The following CNBD1 variants were observed in gnomAD, a reference collection of about 807,000 sequenced individuals.
CNBD1 encodes cyclic nucleotide binding domain containing 1, also known as cyclic nucleotide-binding domain-containing protein 1.
A neutral mutation model predicts 54.4 loss-of-function variants in CNBD1; 71 were observed. That is an observed-to-expected ratio of 1.30 (90% CI 1.08 to 1.59). The LOEUF is 1.59. CNBD1 is among the 40% of genes most tolerant of loss of function. CNBD1 has a pLI of 0.00. For synonymous variants in CNBD1, 182 were observed against 170.7 expected, an observed-to-expected ratio of 1.07 and a Z score of -0.51; for missense variants, 659 against 518.0, an observed-to-expected ratio of 1.27 and a Z score of -2.64.
intron 4 of CNBD1, among the ~76,000 whole-genome samples, chr8:87,035,774 A>G (rs111951242): frequency 6.6e-6 from 1 of 152,112 alleles, no homozygotes; most frequent in Non-Finnish European, 1.5e-5. Flanking sequence ...CAGGCAATGT[A>G]TGGCAGCCCG....
chr8:87,056,457 T>C (rs1182102583), intron 4 of CNBD1, among the ~76,000 whole-genome samples: 3 of 152,194 alleles, frequency 2.0e-5, no homozygotes, highest in Non-Finnish European at 4.4e-5. Context: ...ATCTTAGAAA[T>C]TCATTAGTTT....
At chr8:87,327,465 G>A (rs1021587402) in intron 8 of CNBD1, among the ~76,000 whole-genome samples, 3 of 152,212 alleles carry the variant, frequency 2.0e-5, no homozygotes, top group Non-Finnish European at 2.9e-5. Context: ...GATTCCGTGG[G>A]CGTAGGATAC....
At chr8:87,229,748 C>T (rs1156252283) in intron 5 of CNBD1, among the ~76,000 whole-genome samples, 1 of 151,880 alleles carries the variant, frequency 6.6e-6, no homozygotes, top group African/African-American at 2.4e-5. Flanking sequence ...CAGAAGTCAA[C>T]CAAAATTTCG....
In CNBD1 at chr8:87,176,483, A is replaced by ATT. The variant is rs35416460; in HGVS notation, c.432-29494_432-29493dup. 3.9e-3 allele frequency among the ~76,000 whole-genome samples: 527 copies of ATT among 134,408 alleles called. 7 individuals are homozygous for ATT. Among genetic ancestry groups the ATT allele is most frequent in the East Asian group, 6.5e-3 (30 of 4,610 alleles). The allele number at this position is 134,408 out of a possible 152,430, so 88.2% of individuals were successfully genotyped here. ...CCTCACTTTTCAGTTTTAAGTTAGT[A>ATT]TTTTTTTTTTTTTTTTTGAGATGGA... On this transcript the variant is annotated intron_variant, in intron 4 of 10. Coordinates refer to ENST00000518476, the MANE Select transcript of CNBD1 (RefSeq NM_173538.3).
At chr8:87,394,294 G>T (rs1811370487) in intron 2 of CNBD1, among the ~76,000 whole-genome samples, 1 of 151,872 alleles carries the variant, frequency 6.6e-6, no homozygotes, top group Non-Finnish European at 1.5e-5. Flanking sequence ...TTATCATAAT[G>T]CATGCACAGG....
chr8:87,299,439 A>G (rs1808942392), intron 8 of CNBD1, among the ~76,000 whole-genome samples: 1 of 152,210 alleles, frequency 6.6e-6, no homozygotes, highest in Non-Finnish European at 1.5e-5. Context: ...AAATAGACAT[A>G]TGGTTAAAAA....
chr8:87,131,179 T>G lies in CNBD1; in HGVS notation c.432-74814T>G, dbSNP rs1166630703. On this transcript the variant is annotated intron_variant, in intron 4 of 10. Coordinates refer to ENST00000518476, the MANE Select transcript of CNBD1 (RefSeq NM_173538.3). ...GAATCCTTAGTTCATTTGCATTCAA[T>G]GAAATTTTCGTGTGCTTGGATTTTT... is the stretch of plus-strand genomic sequence containing the variant. Among the ~76,000 whole-genome samples the G allele has an allele frequency of 8.5e-5, 13 of 152,278 alleles. No individual in the cohort carries two copies. The East Asian group carries it at 2.5e-3, about 29-fold the overall frequency.
intron 4 of CNBD1, among the ~76,000 whole-genome samples, chr8:87,154,018 G>C (rs1812661893): frequency 6.6e-6 from 1 of 152,142 alleles, no homozygotes; most frequent in Non-Finnish European, 1.5e-5. Context: ...TGAGACGAGT[G>C]GAGAGCCAGG....
At chr8:87,341,480 G>T (rs950119841) in intron 8 of CNBD1, among the ~76,000 whole-genome samples, 1 of 152,188 alleles carries the variant, frequency 6.6e-6, no homozygotes, top group African/African-American at 2.4e-5. Flanking sequence ...TGACAAGAGG[G>T]TAGTGTAAAC....
chr8:87,159,533 G>T (rs1051721168), intron 4 of CNBD1, among the ~76,000 whole-genome samples: 3 of 152,076 alleles, frequency 2.0e-5, no homozygotes, highest in African/African-American at 7.2e-5. Flanking sequence ...GGAAGCTTTT[G>T]CACTTAGATG....
At chr8:87,385,593 C>T (rs1329383657), downstream of CNBD1, among the ~76,000 whole-genome samples, 1 of 152,022 alleles carries the variant, frequency 6.6e-6, no homozygotes, top group Non-Finnish European at 1.5e-5. Context: ...GTTGCCGAGG[C>T]TTGAGTAGGT....
chr8:86,927,706 TG>T (rs1178869747), intron 3 of CNBD1, among the ~76,000 whole-genome samples: 2 of 152,172 alleles, frequency 1.3e-5, no homozygotes, highest in Non-Finnish European at 2.9e-5. Flanking sequence ...AATAATGTAA[TG>T]ATACAATAAA....
chr8:86,916,059 A>G (rs1021115217), intron 3 of CNBD1, among the ~76,000 whole-genome samples: 1 of 152,092 alleles, frequency 6.6e-6, no homozygotes, highest in Non-Finnish European at 1.5e-5. Flanking sequence ...GGTCTCAGAG[A>G]AAAGAGCAGG....
intron 4 of CNBD1, among the ~76,000 whole-genome samples, chr8:87,022,914 A>G (rs759323416): frequency 4.6e-5 from 7 of 152,228 alleles, no homozygotes; most frequent in Non-Finnish European, 8.8e-5. Context: ...GAATGGAGGT[A>G]AGAAAGGAGG....
In CNBD1 at chr8:87,420,820, C is replaced by A. The variant is rs1010462535; in HGVS notation, c.214-7726C>A. Among the ~76,000 whole-genome samples, 5 of 150,344 alleles carry A rather than the reference C, an allele frequency of 3.3e-5. No individual in the cohort carries two copies. The South Asian group carries it at 1.1e-3, about 32-fold the overall frequency. On this transcript the variant is annotated intron_variant, in intron 2 of 7. Coordinates refer to the CNBD1 transcript ENST00000521593. ...GTTGGTATATTTATTTGAAAATTAA[C>A]CTCATTAATTCATGGTCATATATCT... is the stretch of plus-strand genomic sequence containing the variant.
intron 2 of CNBD1, among the ~76,000 whole-genome samples, chr8:87,405,913 T>A (rs1807643699): frequency 6.6e-6 from 1 of 152,168 alleles, no homozygotes; most frequent in South Asian, 2.1e-4. Flanking sequence ...TGCCAAACAC[T>A]AAGCATCTGT....
intron 6 of CNBD1, among the ~76,000 whole-genome samples, chr8:87,238,175 C>A (rs1341951347): frequency 6.6e-6 from 1 of 151,956 alleles, no homozygotes; most frequent in Non-Finnish European, 1.5e-5. Flanking sequence ...TTCTGGCATT[C>A]CACCTGAGAT....
At chr8:87,345,416 C>T (rs759177715) in intron 8 of CNBD1, among the ~76,000 whole-genome samples, 6 of 152,050 alleles carry the variant, frequency 3.9e-5, no homozygotes, top group Non-Finnish European at 8.8e-5. Context: ...TTTTGGTGCT[C>T]TACCCCTTCT....
chr8:87,150,363 A>C (rs1318930733), intron 4 of CNBD1, among the ~76,000 whole-genome samples: 1 of 152,176 alleles, frequency 6.6e-6, no homozygotes, highest in Non-Finnish European at 1.5e-5. Context: ...AAGTCTGTAG[A>C]GTTCATTGAA....
Sources: gnomAD v4.1 joint callset for allele counts (sites outside exome capture counted in the v4.1 genomes callset) on GRCh38, gnomAD v4.1.1 for gene constraint, MANE v1.5 for transcripts, NCBI Gene and HGNC (gene_info 2026-07-23, HGNC 2026-07-21) for gene names.